FANCB: variants seen among roughly 807,000 people sequenced by gnomAD.
FANCB encodes Fanconi anemia group B protein.
A neutral mutation model predicts 38.9 loss-of-function variants in FANCB; 5 were observed. The ratio of observed to expected loss-of-function variants is 0.13; its 90% CI spans 0.07 to 0.27. FANCB has a LOEUF of 0.27. Ranked by LOEUF, FANCB falls within the 10% of genes least tolerant of loss-of-function variation. The pLI, the probability that FANCB is intolerant of heterozygous loss-of-function variation, is 1.00. For missense variants in FANCB, 573 were observed against 602.7 expected, an observed-to-expected ratio of 0.95 and a Z score of 0.52; for synonymous variants, 236 against 215.4, an observed-to-expected ratio of 1.10 and a Z score of -0.84.
chrX:14,697,878 G>A, the FANCB span, among the ~76,000 whole-genome samples: 1 of 111,827 alleles, frequency 8.9e-6, no homozygotes, highest in African/African-American at 3.3e-5. Context: ...ATATAAATCC[G>A]TTTTAACTAC....
At chrX:14,830,788 G>A in the FANCB span, among the ~76,000 whole-genome samples, 40,908 of 110,607 alleles carry the variant, frequency 0.37, 5,766 homozygotes, top group East Asian at 0.82. Flanking sequence ...ATATTTATCC[G>A]CTGATGGATG....
At chrX:14,713,130 T>C in the FANCB span, among the ~76,000 whole-genome samples, 7 of 111,826 alleles carry the variant, frequency 6.3e-5, no homozygotes, top group Non-Finnish European at 1.9e-5. Context: ...TCTAGAGAAT[T>C]TGGCAGTCAG....
the FANCB span, among the ~76,000 whole-genome samples, chrX:14,705,661 A>G: frequency 8.9e-6 from 1 of 112,138 alleles, no homozygotes; most frequent in African/African-American, 3.2e-5. Context: ...AATAGTCAGA[A>G]AAACCTTTCA....
At chrX:14,755,679 A>G in the FANCB span, among the ~76,000 whole-genome samples, 4 of 111,969 alleles carry the variant, frequency 3.6e-5, no homozygotes, top group Middle Eastern at 4.7e-3. Context: ...AGCTATGCCT[A>G]TGTTCATGAA....
chrX:14,830,250 T>C, the FANCB span, among the ~76,000 whole-genome samples: 1 of 111,905 alleles, frequency 8.9e-6, no homozygotes, highest in East Asian at 2.8e-4. Flanking sequence ...CAGATCACCA[T>C]AACAGACGTA....
the FANCB span, among the ~76,000 whole-genome samples, chrX:14,814,370 C>T: frequency 8.9e-6 from 1 of 111,887 alleles, no homozygotes; most frequent in South Asian, 3.7e-4. Flanking sequence ...AAAGAAACTA[C>T]CATCAGAGTG....
chrX:14,714,760 AG>A, the FANCB span, among the ~76,000 whole-genome samples: 2 of 112,675 alleles, frequency 1.8e-5, no homozygotes, highest in Non-Finnish European at 3.7e-5. Flanking sequence ...AATAGTACAA[AG>A]CACCACAGTG....
At chrX:14,844,817 T>A in intron 8 of FANCB, 39 bp downstream of exon 8, 1 of 1,164,633 alleles carries the variant, frequency 8.6e-7, no homozygotes, top group Non-Finnish European at 1.2e-6. Flanking sequence ...ATTTTCTAAT[T>A]CAATTAAATA....
At chrX:14,822,750 A>T in the FANCB span, among the ~76,000 whole-genome samples, 4 of 111,416 alleles carry the variant, frequency 3.6e-5, no homozygotes, top group African/African-American at 1.3e-4. Flanking sequence ...GAAGCCACGT[A>T]TGTGGTTAAG....
intron 6 of FANCB, 90 bp from the exon 7 acceptor site, chrX:14,850,764 T>C: frequency 1.9e-6 from 1 of 528,985 alleles, no homozygotes; most frequent in Non-Finnish European, 3.1e-6. Context: ...TGCTTTTGGC[T>C]AGGGCTTATG....
the FANCB span, among the ~76,000 whole-genome samples, chrX:14,790,563 T>G: frequency 8.9e-6 from 1 of 112,264 alleles, no homozygotes; most frequent in African/African-American, 3.2e-5. Flanking sequence ...TTATGGAGAC[T>G]AGAAAAATAT....
At chrX:14,849,479 G>A (rs1369787879) in intron 7 of FANCB, among the ~76,000 whole-genome samples, 3 of 111,649 alleles carry the variant, frequency 2.7e-5, no homozygotes, top group Non-Finnish European at 3.8e-5. Flanking sequence ...CTGCGTACCC[G>A]TGGTTCAAAT....
chrX:14,774,147 A>C, the FANCB span, among the ~76,000 whole-genome samples: 1 of 112,289 alleles, frequency 8.9e-6, no homozygotes, highest in African/African-American at 3.2e-5. Flanking sequence ...TTGTTTTATA[A>C]ATTTAATGAG....
the FANCB span, among the ~76,000 whole-genome samples, chrX:14,796,717 C>CACAT: frequency 2.9e-5 from 3 of 104,436 alleles, no homozygotes; most frequent in Non-Finnish European, 5.9e-5. Context: ...CACACACACA[C>CACAT]ATATACACAG....
the FANCB span, among the ~76,000 whole-genome samples, chrX:14,828,591 T>G: frequency 8.9e-6 from 1 of 112,175 alleles, no homozygotes; most frequent in African/African-American, 3.2e-5. Context: ...AGGCTTCACT[T>G]CTAGTGCTAG....
the FANCB span, among the ~76,000 whole-genome samples, chrX:14,797,929 T>G: frequency 7.2e-5 from 8 of 110,545 alleles, no homozygotes; most frequent in African/African-American, 2.6e-4. Flanking sequence ...GCCAAGTGTT[T>G]CCTCTATCAT....
the FANCB span, among the ~76,000 whole-genome samples, chrX:14,823,903 A>T: frequency 9.0e-6 from 1 of 111,058 alleles, no homozygotes; most frequent in Non-Finnish European, 1.9e-5. Context: ...TACACACTCC[A>T]ATAAGGAGAG....
chrX:14,837,355 T>A (rs764027591), intron 10 of FANCB, among the ~76,000 whole-genome samples: 8 of 112,340 alleles, frequency 7.1e-5, no homozygotes, highest in African/African-American at 2.6e-4. Context: ...AGAAACTACA[T>A]AAAGGGCTAT....
the FANCB span, among the ~76,000 whole-genome samples, chrX:14,717,764 G>A: frequency 9.3e-6 from 1 of 107,606 alleles, no homozygotes; most frequent in Non-Finnish European, 1.9e-5. Context: ...AAAACCCATC[G>A]GTCAATAAAC....
Sources: allele counts gnomAD v4.1 joint callset (sites outside exome capture counted in the v4.1 genomes callset), GRCh38; gene constraint gnomAD v4.1.1; transcripts MANE v1.5; gene names NCBI Gene and HGNC (gene_info 2026-07-23, HGNC 2026-07-21).